ZNF516: variants seen among roughly 807,000 people sequenced by gnomAD.
ZNF516 encodes zinc finger protein 516.
ZNF516 carries 19 observed loss-of-function variants against 79.7 expected under a neutral mutation model. That is an observed-to-expected ratio of 0.24 (90% CI 0.17 to 0.35). The LOEUF is 0.35. ZNF516 is among the 10% of genes least tolerant of loss of function. The pLI, the probability that ZNF516 is intolerant of heterozygous loss-of-function variation, is 1.00. For synonymous variants in ZNF516, 877 were observed against 739.5 expected (o/e 1.19, Z -3.02); for missense variants, 1,678 against 1,679.5 (o/e 1.00, Z 0.02).
At chr18:76,389,449 C>G (rs1166854610) in intron 3 of ZNF516, 2 of 152,194 alleles carry the variant, frequency 1.3e-5, no homozygotes, top group Non-Finnish European at 2.9e-5. Flanking sequence ...GCATCCCTCA[C>G]CAATGAGAGG....
intron 1 of ZNF516, chr18:76,488,001 C>G (rs1479682598): frequency 1.0e-6 from 1 of 985,322 alleles, no homozygotes; most frequent in African/African-American, 1.7e-5. Flanking sequence ...CCTAACCAAA[C>G]AGTCGAACAA....
chr18:76,358,736 C>T lies in ZNF516; in HGVS notation c.*3762G>A, dbSNP rs1206677181. On this transcript the variant is annotated 3_prime_UTR_variant, in exon 7 of 7. Coordinates refer to ENST00000443185, the MANE Select transcript of ZNF516 (RefSeq NM_014643.4). ...CTTCCTTTTTCTACAGCTTGGAAAC[C>T]TCTGAGAATTTGCTGGGGGTGGCAG... 6.6e-6 allele frequency: 1 copy of T among 152,180 alleles called. No homozygotes were observed. The highest frequency in any genetic ancestry group is 2.4e-5 in the African/African-American group (1 of 41,422). The allele number at this position is 152,180 out of a possible 1,614,324, so 9.4% of individuals were successfully genotyped here. A position where few individuals can be genotyped will look rare whatever the true frequency, so the allele number is the denominator to read the frequency against.
At chr18:76,372,267 G>A (rs1227162550) in intron 4 of ZNF516, among the ~76,000 whole-genome samples, 1 of 152,256 alleles carries the variant, frequency 6.6e-6, no homozygotes, top group Non-Finnish European at 1.5e-5. Flanking sequence ...GATCCAAAAA[G>A]CCACACGACT....
At chr18:76,384,995 A>G (rs954643123) in intron 3 of ZNF516, among the ~76,000 whole-genome samples, 2 of 152,242 alleles carry the variant, frequency 1.3e-5, no homozygotes, top group Non-Finnish European at 2.9e-5. Context: ...GGCCCTGTGC[A>G]GAGGGAGCAG....
intron 3 of ZNF516, among the ~76,000 whole-genome samples, chr18:76,429,462 T>C (rs1249248420): frequency 6.6e-6 from 1 of 152,152 alleles, no homozygotes. Flanking sequence ...CCCCCTGGGC[T>C]CCTGACTCTG....
At chr18:76,374,399 T>C (rs1327442134) in intron 4 of ZNF516, among the ~76,000 whole-genome samples, 1 of 152,208 alleles carries the variant, frequency 6.6e-6, no homozygotes, top group African/African-American at 2.4e-5. Flanking sequence ...GAAAATGCAG[T>C]GGGTTTTTCT....
At chr18:76,431,077 A>G (rs1357440342) in intron 3 of ZNF516, among the ~76,000 whole-genome samples, 2 of 152,224 alleles carry the variant, frequency 1.3e-5, no homozygotes, top group Non-Finnish European at 2.9e-5. Flanking sequence ...TTTAATATGC[A>G]AAGGCTTATG....
chr18:76,446,897 G>A (rs920748629), intron 2 of ZNF516, among the ~76,000 whole-genome samples: 8 of 152,112 alleles, frequency 5.3e-5, no homozygotes, highest in African/African-American at 1.9e-4. Context: ...TGTAGAAATA[G>A]AAAAAGTGCT....
rs1158673687 is a variant in ZNF516, at chr18:76,359,779, ACAGT to A, written c.*2715_*2718del. The A allele has an allele frequency of 6.6e-6, 1 of 152,224 alleles. No individual in the cohort carries two copies. Among genetic ancestry groups the A allele is most frequent in the Non-Finnish European group, 1.5e-5 (1 of 68,038 alleles). 9.4% of individuals were successfully genotyped at this position (152,224 alleles called of 1,614,324 possible). On this transcript the variant is annotated 3_prime_UTR_variant, in exon 7 of 7. Coordinates refer to ENST00000443185, the MANE Select transcript of ZNF516 (RefSeq NM_014643.4). Reference sequence around the variant, plus strand: ...CGGGAGAGGTAGTAGAAAGTCTGTAACAGTCAGAAGACAACGTACAGAAGTGTAT... The same window carrying A: ...CGGGAGAGGTAGTAGAAAGTCTGTAACAGAAGACAACGTACAGAAGTGTAT...
rs182133254 is a variant in ZNF516 at position 76,359,040 on chromosome 18, G to A, written c.*3458C>T. 5 of 152,350 alleles carry A rather than the reference G, an allele frequency of 3.3e-5. No homozygotes were observed. Among genetic ancestry groups the A allele is most frequent in the Admixed American group, 6.5e-5 (1 of 15,296 alleles). The allele number at this position is 152,350 out of a possible 1,614,324, so 9.4% of individuals were successfully genotyped here. On this transcript the variant is annotated 3_prime_UTR_variant, in exon 7 of 7. Coordinates refer to ENST00000443185, the MANE Select transcript of ZNF516 (RefSeq NM_014643.4). ...GAGTGTGAGACGATGAAACCCACAT[G>A]TGCCGGAGCCCCTGCAGAGGTGTTC...
At chr18:76,371,390 CG>C in intron 5 of ZNF516, 76 bp downstream of exon 5, 1 of 1,389,808 alleles carries the variant, frequency 7.2e-7, no homozygotes, top group Non-Finnish European at 9.8e-7. Context: ...TCCCTCGCTG[CG>C]GATGGTCAAG....
At chr18:76,409,433 A>T (rs2075345265) in intron 3 of ZNF516, among the ~76,000 whole-genome samples, 2 of 152,230 alleles carry the variant, frequency 1.3e-5, no homozygotes, top group African/African-American at 4.8e-5. Context: ...CTAATTTGCC[A>T]ATGGAAATTA....
intron 3 of ZNF516, among the ~76,000 whole-genome samples, chr18:76,408,464 A>G (rs1349047949): frequency 1.3e-5 from 2 of 152,220 alleles, no homozygotes; most frequent in Non-Finnish European, 2.9e-5. Flanking sequence ...GAAGAAGTGC[A>G]TGGCTCTGGT....
In ZNF516 at chr18:76,442,070, C is replaced by A; in HGVS notation, c.985G>T (p.Ala329Ser). 1 of 1,614,002 alleles carries A rather than the reference C, an allele frequency of 6.2e-7. No homozygotes were observed. Among genetic ancestry groups the A allele is most frequent in the Non-Finnish European group, 8.5e-7 (1 of 1,179,896 alleles). Reference protein sequence around the residue: ...NNVVQEEVIVAGLSLYEVCAK... With the variant: ...NNVVQEEVIVSGLSLYEVCAK... ...CAGACCTCGTAGAGGCTCAGGCCGG[C>A]GACGATCACCTCCTCCTGGACCACG... Residue 329 changes from alanine (A) to serine (S), a missense_variant, in exon 3 of 7, where the codon GCC becomes TCC. Physicochemically the swap from Ala to Ser is moderately conservative, Grantham distance 99. Around this residue, in one of 5 missense-constraint regions of ZNF516, gnomAD observed 1,294 missense variants for 1,248.3 expected, o/e 1.04. Transcript: ENST00000443185.
At chr18:76,415,467 TGTAA>T (rs1158372762) in intron 3 of ZNF516, among the ~76,000 whole-genome samples, 9 of 152,174 alleles carry the variant, frequency 5.9e-5, no homozygotes, top group Non-Finnish European at 1.2e-4. Context: ...CGCCTTAGAC[TGTAA>T]GTAAGTGGAT....
rs752637177 is a variant in ZNF516 at position 76,380,268 on chromosome 18, C to T, written c.1846G>A (p.Val616Met). ...QPRRCCFSEE[V>M]TSTELSSGDQ... ...CCACTGGAGAGCTCGGTCGAAGTCACCTCTTCGGAAAAGCAGCAGCGGCGC... is the reference window on the plus strand; with the variant it reads ...CCACTGGAGAGCTCGGTCGAAGTCATCTCTTCGGAAAAGCAGCAGCGGCGC... Residue 616 changes from valine to methionine, a missense_variant, in exon 4 of 7, where the codon GTG becomes ATG. Val to Met is a conservative substitution (Grantham distance 21). This residue lies in a region of ZNF516 where 1,294 missense variants were observed against 1,248.3 expected (regional missense o/e 1.04). Coordinates refer to ENST00000443185, the MANE Select transcript of ZNF516 (RefSeq NM_014643.4). 2 of 1,613,808 alleles carry T rather than the reference C, an allele frequency of 1.2e-6. No homozygotes were observed. The highest frequency in any genetic ancestry group is 1.7e-5 in the Admixed American group (1 of 60,022).
chr18:76,444,310 C>A (rs1911910756), intron 2 of ZNF516, among the ~76,000 whole-genome samples: 1 of 152,170 alleles, frequency 6.6e-6, no homozygotes, highest in East Asian at 1.9e-4. Flanking sequence ...AGAACAAATC[C>A]ATTTCCTGCT....
At chr18:76,473,480 T>G (rs978514480) in intron 1 of ZNF516, among the ~76,000 whole-genome samples, 4 of 151,822 alleles carry the variant, frequency 2.6e-5, no homozygotes, top group African/African-American at 9.7e-5. Context: ...CATTAAAAGT[T>G]TAATGTGTGG....
chr18:76,457,578 G>A (rs1188117446), intron 2 of ZNF516, among the ~76,000 whole-genome samples: 6 of 152,166 alleles, frequency 3.9e-5, no homozygotes, highest in South Asian at 2.1e-4. Context: ...TTAGCCGAGC[G>A]TGGCAGCGCA....
Sources: gnomAD v4.1 joint callset for allele counts (sites outside exome capture counted in the v4.1 genomes callset) on GRCh38, gnomAD v4.1.1 for gene constraint, gnomAD v4.1.1 regional missense constraint, MANE v1.5 for transcripts, NCBI Gene and HGNC (gene_info 2026-07-23, HGNC 2026-07-21) for gene names.